PAQR5: variants seen among roughly 807,000 people sequenced by gnomAD.
The protein encoded by PAQR5 is membrane progestin receptor gamma.
PAQR5 carries 20 observed loss-of-function variants against 34.5 expected under a neutral mutation model. That is an observed-to-expected ratio of 0.58 (90% CI 0.41 to 0.84). The LOEUF is 0.84. Among genes scored for constraint, PAQR5 ranks in the 40% least tolerant of loss-of-function variants. The probability of loss-of-function intolerance (pLI) is 0.00; values close to 1 mark genes in which losing one functional copy is unlikely to be tolerated. For missense variants in PAQR5, 378 were observed against 412.7 expected (o/e 0.92, Z 0.73); for synonymous variants, 131 against 155.6 (o/e 0.84, Z 1.18).
rs1193423520 is a variant in PAQR5, at chr15:69,312,796, G to C, written c.-277+13740G>C. Among the ~76,000 whole-genome samples the C allele has an allele frequency of 1.1e-4, 16 of 152,228 alleles. No homozygotes were observed. In the East Asian group the frequency reaches 3.1e-3, roughly 29 times the overall value. On this transcript the variant is annotated intron_variant, in intron 1 of 8. Coordinates refer to ENST00000395407, the MANE Select transcript of PAQR5 (RefSeq NM_017705.4). Reference sequence around the variant, plus strand: ...TTGGATGGTGGGTGATGGCATTGCAGTACTGAAGCCTGAGGCCCTGTTCCA... The same window carrying C: ...TTGGATGGTGGGTGATGGCATTGCACTACTGAAGCCTGAGGCCCTGTTCCA...
chr15:69,378,747 G>T (rs2055793683), intron 3 of PAQR5, among the ~76,000 whole-genome samples: 1 of 152,070 alleles, frequency 6.6e-6, no homozygotes, highest in Non-Finnish European at 1.5e-5. Context: ...CTAAATCAGT[G>T]GTCCTTACCT....
chr15:69,324,129 C>CA (rs55634756), intron 1 of PAQR5, among the ~76,000 whole-genome samples: 64,990 of 135,274 alleles, frequency 0.48, 17,647 homozygotes, highest in Middle Eastern at 0.63. Context: ...ATAGCTAGGG[C>CA]AAAAAAAAAA....
chr15:69,390,413 G>A (rs2056235450), intron 6 of PAQR5, among the ~76,000 whole-genome samples: 2 of 150,178 alleles, frequency 1.3e-5, no homozygotes, highest in East Asian at 1.9e-4. Context: ...GCAGTGGTGC[G>A]ATCTCAGCTC....
At chr15:69,357,453 G>A (rs144328254) in intron 2 of PAQR5, among the ~76,000 whole-genome samples, 1,364 of 105,968 alleles carry the variant, frequency 0.013, 66 homozygotes, top group Admixed American at 0.12. Flanking sequence ...TAGTAGAGAC[G>A]GGGTTTCACC....
At chr15:69,314,588 T>C (rs1206480557) in intron 1 of PAQR5, 1 of 152,240 alleles carries the variant, frequency 6.6e-6, no homozygotes, top group Non-Finnish European at 1.5e-5. Context: ...CCCTCAGGAT[T>C]ACCTTAAAGG....
chr15:69,355,817 T>C (rs2055063508), intron 2 of PAQR5, among the ~76,000 whole-genome samples: 2 of 152,146 alleles, frequency 1.3e-5, no homozygotes, highest in African/African-American at 4.8e-5. Context: ...TAGAATGATA[T>C]AAAGCATGAC....
intron 1 of PAQR5, among the ~76,000 whole-genome samples, chr15:69,310,475 TG>T (rs1237486409): frequency 1.3e-5 from 2 of 152,198 alleles, no homozygotes; most frequent in African/African-American, 4.8e-5. Context: ...TAGTTTAACC[TG>T]CATTTTTGAA....
rs2053456770 is a variant in PAQR5 at position 69,298,926 on chromosome 15, C to G, written c.-407C>G. 1.3e-5 allele frequency: 2 copies of G among 151,912 alleles called. No individual in the cohort carries two copies. The highest frequency in any genetic ancestry group is 1.3e-4 in the Admixed American group (2 of 15,268). The allele number at this position is 151,912 out of a possible 1,614,324, so 9.4% of individuals were successfully genotyped here. A position where few individuals can be genotyped will look rare whatever the true frequency, so the allele number is the denominator to read the frequency against. ...CGGGGACCGGCATGGGTAGGCGCGG[C>G]GACCCGCAGGGCCAGGTGCAGGGCC... is the stretch of plus-strand genomic sequence containing the variant. On this transcript the variant is annotated 5_prime_UTR_variant, in exon 1 of 9. Coordinates refer to ENST00000395407, the MANE Select transcript of PAQR5 (RefSeq NM_017705.4).
At chr15:69,360,232 G>A (rs2055197255) in intron 3 of PAQR5, 101 bp downstream of exon 3, 2 of 796,648 alleles carry the variant, frequency 2.5e-6, no homozygotes, top group Admixed American at 4.4e-5. Context: ...GTTCTGTACA[G>A]GCCCATTCCC....
At chr15:69,355,361 TTTCTTTCTTTCTTTCTTTCTTTCTTTC>T (rs2055046737) in intron 2 of PAQR5, among the ~76,000 whole-genome samples, 1 of 36,652 alleles carries the variant, frequency 2.7e-5, no homozygotes, top group Non-Finnish European at 6.6e-5. Flanking sequence ...TCTTTCTTTC[TTTCTTTCTTTCTTTCTTTCTTTCTTTC>T]TCTTTCTTTC....
chr15:69,353,945 G>T (rs188233984), intron 2 of PAQR5, among the ~76,000 whole-genome samples: 15 of 152,266 alleles, frequency 9.9e-5, no homozygotes, highest in African/African-American at 3.6e-4. Context: ...GATGGTTTGG[G>T]CTGGGATGAC....
At chr15:69,323,555 C>T (rs2054178037) in intron 1 of PAQR5, among the ~76,000 whole-genome samples, 1 of 152,214 alleles carries the variant, frequency 6.6e-6, no homozygotes, top group Admixed American at 6.5e-5. Context: ...ATTTGCAACC[C>T]ATGGGCTGGC....
At chr15:69,301,577 C>T (rs573377120) in intron 1 of PAQR5, among the ~76,000 whole-genome samples, 1 of 152,290 alleles carries the variant, frequency 6.6e-6, no homozygotes, top group South Asian at 2.1e-4. Context: ...CTTTTCTGGG[C>T]CTCAATTTCC....
chr15:69,354,245 T>C (rs1436383585), intron 2 of PAQR5, among the ~76,000 whole-genome samples: 1 of 152,210 alleles, frequency 6.6e-6, no homozygotes, highest in Non-Finnish European at 1.5e-5. Flanking sequence ...TAGTTATCAA[T>C]ACCAGCTACA....
At chr15:69,371,397 T>G (rs2055558408) in intron 3 of PAQR5, among the ~76,000 whole-genome samples, 1 of 152,150 alleles carries the variant, frequency 6.6e-6, no homozygotes, top group African/African-American at 2.4e-5. Flanking sequence ...AGCAGAAAAA[T>G]TATTAAATAT....
intron 4 of PAQR5, among the ~76,000 whole-genome samples, chr15:69,381,265 G>A (rs1028565257): frequency 3.9e-5 from 6 of 152,186 alleles, no homozygotes; most frequent in Middle Eastern, 3.2e-3. Context: ...CTTCCTATGC[G>A]TCCTCCTGGA....
intron 3 of PAQR5, among the ~76,000 whole-genome samples, chr15:69,374,676 CAAT>C (rs1256677873): frequency 6.6e-6 from 1 of 152,088 alleles, no homozygotes; most frequent in South Asian, 2.1e-4. Flanking sequence ...GACTCTGTCT[CAAT>C]AATAATAATG....
At chr15:69,310,918 A>G (rs1042271720) in intron 1 of PAQR5, among the ~76,000 whole-genome samples, 143 of 151,414 alleles carry the variant, frequency 9.4e-4, no homozygotes, top group South Asian at 2.9e-3. Flanking sequence ...GGGCGCCTGT[A>G]GTCCCAGCTA....
chr15:69,324,129 C>A (rs1271078436), intron 1 of PAQR5, among the ~76,000 whole-genome samples: 302 of 135,252 alleles, frequency 2.2e-3, no homozygotes, highest in Non-Finnish European at 2.4e-3. Flanking sequence ...ATAGCTAGGG[C>A]AAAAAAAAAA....
Sources: allele counts gnomAD v4.1 joint callset (sites outside exome capture counted in the v4.1 genomes callset), GRCh38; gene constraint gnomAD v4.1.1; transcripts MANE v1.5; gene names NCBI Gene and HGNC (gene_info 2026-07-23, HGNC 2026-07-21).